H6PD: variants seen among roughly 807,000 people sequenced by gnomAD.
H6PD encodes hexose-6-phosphate dehydrogenase/glucose 1-dehydrogenase.
In H6PD, 48 loss-of-function variants were observed where a neutral mutation model predicts 61.2. That is an observed-to-expected ratio of 0.78 (90% CI 0.62 to 1.00). The LOEUF (loss-of-function observed/expected upper bound fraction) is 1.00. Among genes scored for constraint, H6PD ranks in the 50% least tolerant of loss-of-function variants. The probability of loss-of-function intolerance (pLI) is 0.00; values close to 1 mark genes in which losing one functional copy is unlikely to be tolerated. For synonymous variants in H6PD, 480 were observed against 457.9 expected (o/e 1.05, Z -0.62); for missense variants, 1,093 against 1,065.0 (o/e 1.03, Z -0.37).
Position 9,267,285 on chromosome 1 carries a change from G to T in H6PD, c.*2416G>T, listed in dbSNP as rs45491397. The T allele has an allele frequency of 0.099, 15,094 of 152,338 alleles. 1,006 individuals are homozygous for T. Among genetic ancestry groups the T allele is most frequent in the South Asian group, 0.2 (949 of 4,820 alleles). The allele number at this position is 152,338 out of a possible 1,614,324, so 9.4% of individuals were successfully genotyped here. On this transcript the variant is annotated 3_prime_UTR_variant, in exon 5 of 5. Coordinates refer to ENST00000377403, the MANE Select transcript of H6PD (RefSeq NM_004285.4). The stretch of plus-strand genomic sequence containing the variant: ...TGGTGGAAGTTCCACAGCTGGCCGC[G>T]TGGGGGGGCCCTTGCACCGCACTGC...
In H6PD at chr1:9,262,135, C is replaced by T. The variant is rs145706807; in HGVS notation, c.822C>T (p.Leu274=). Reference sequence around the variant, plus strand: ...ACCATCTGACGGAGGTCCTCACCCTCGTGGCCATGGAGCTGCCCCACAATG... The same window carrying T: ...ACCATCTGACGGAGGTCCTCACCCTTGTGGCCATGGAGCTGCCCCACAATG... ...LQNHLTEVLT[L]VAMELPHNVS... is the part of the protein sequence containing the mutation. Residue 274 remains leucine, a synonymous_variant, in exon 4 of 5, where the codon CTC becomes CTT. Coordinates refer to ENST00000377403, the MANE Select transcript of H6PD (RefSeq NM_004285.4). 1.0e-4 allele frequency: 169 copies of T among 1,614,208 alleles called. 1 individual carries two copies. In the African/African-American group the frequency reaches 1.5e-3, roughly 14 times the overall value.
At chr1:9,240,631 T>TA (rs950623968) in intron 1 of H6PD, among the ~76,000 whole-genome samples, 22 of 152,212 alleles carry the variant, frequency 1.4e-4, no homozygotes, top group Non-Finnish European at 1.5e-5. Flanking sequence ...CCCCTCCCCT[T>TA]ACAGCTGCTC....
intron 1 of H6PD, chr1:9,242,514 G>A (rs1482854716): frequency 1.7e-5 from 16 of 955,092 alleles, no homozygotes; most frequent in Non-Finnish European, 1.9e-5. Flanking sequence ...CCTCAGAACC[G>A]GGGACCCACA....
At chr1:9,236,547 C>A (rs1368600858) in intron 1 of H6PD, among the ~76,000 whole-genome samples, 1 of 152,060 alleles carries the variant, frequency 6.6e-6, no homozygotes, top group Non-Finnish European at 1.5e-5. Context: ...GTAATCCCAG[C>A]TGCTGGGGAG....
intron 1 of H6PD, chr1:9,240,148 C>A: frequency 2.3e-6 from 1 of 442,336 alleles, no homozygotes; most frequent in East Asian, 3.5e-5. Context: ...AGAAGAAGGC[C>A]TTTTCCACCT....
intron 3 of H6PD, among the ~76,000 whole-genome samples, chr1:9,253,660 C>G (rs964715778): frequency 4.6e-5 from 7 of 152,200 alleles, no homozygotes; most frequent in Admixed American, 2.0e-4. Flanking sequence ...TGCGTTGTCT[C>G]CCCAGGCCCT....
intron 2 of H6PD, 95 bp from the exon 3 acceptor site, chr1:9,246,871 A>C (rs528422183): frequency 1.5e-5 from 13 of 845,188 alleles, no homozygotes; most frequent in East Asian, 4.9e-5. Context: ...TGCTCTGAGC[A>C]GGGAATAGAA....
chr1:9,253,244 A>G (rs988322807), intron 3 of H6PD, among the ~76,000 whole-genome samples: 25 of 152,298 alleles, frequency 1.6e-4, no homozygotes, highest in Middle Eastern at 3.4e-3. Flanking sequence ...GCTTGAAATT[A>G]AGGAATAAAG....
At chr1:9,263,186 C>A (rs1467178482) in intron 4 of H6PD, among the ~76,000 whole-genome samples, 2 of 152,170 alleles carry the variant, frequency 1.3e-5, no homozygotes, top group African/African-American at 4.8e-5. Flanking sequence ...ACCCCACTTG[C>A]CCCCACTGTG....
At chr1:9,261,826 G>T (rs1253281183) in intron 3 of H6PD, among the ~76,000 whole-genome samples, 1 of 152,226 alleles carries the variant, frequency 6.6e-6, no homozygotes, top group Admixed American at 6.5e-5. Context: ...GAGGCTCACG[G>T]ATTTGACGCC....
rs190779040 is a variant in H6PD at position 9,262,551 on chromosome 1, A to G, written c.1015+223A>G. On this transcript the variant is annotated intron_variant, in intron 4 of 4. Coordinates refer to ENST00000377403, the MANE Select transcript of H6PD (RefSeq NM_004285.4). ...CAGGGCGAAGGACATCCCAATGGCC[A>G]TGGCCTCGTGTCAGCCCCAGTTCAG... 3.2e-3 allele frequency among the ~76,000 whole-genome samples: 494 copies of G among 152,340 alleles called. 2 individuals carry two copies. The highest frequency in any genetic ancestry group is 0.011 in the African/African-American group (477 of 41,572).
chr1:9,251,761 C>T (rs1236492269), intron 3 of H6PD, among the ~76,000 whole-genome samples: 1 of 152,180 alleles, frequency 6.6e-6, no homozygotes, highest in African/African-American at 2.4e-5. Context: ...GCTGCCGGAT[C>T]TCCTGTCCAG....
chr1:9,247,436 G>A (rs544470249), intron 3 of H6PD, among the ~76,000 whole-genome samples: 91 of 152,288 alleles, frequency 6.0e-4, no homozygotes, highest in African/African-American at 2.1e-3. Flanking sequence ...GCTTGCAGCC[G>A]TGGCGCCCCC....
chr1:9,264,354 G>A lies in H6PD; in HGVS notation c.1861G>A (p.Glu621Lys), dbSNP rs779224543. 129 of 1,612,316 alleles carry A rather than the reference G, an allele frequency of 8.0e-5. No homozygotes were observed. Among genetic ancestry groups the A allele is most frequent in the Non-Finnish European group, 6.4e-5 (75 of 1,179,924 alleles). Residue 621 changes from glutamate to lysine, a missense_variant, in exon 5 of 5, where the codon GAG becomes AAG. Coordinates refer to ENST00000377403, the MANE Select transcript of H6PD (RefSeq NM_004285.4). ...WAHTHLWLVD[E>K]RCVPLSDPES... Reference sequence around the variant, plus strand: ...CCACACGCACCTGTGGCTGGTTGACGAGCGCTGCGTCCCACTCTCAGACCC... The same window carrying A: ...CCACACGCACCTGTGGCTGGTTGACAAGCGCTGCGTCCCACTCTCAGACCC...
In H6PD at chr1:9,264,436, A is replaced by G. The variant is rs201358474; in HGVS notation, c.1943A>G (p.Tyr648Cys). The change falls in exon 5 of 5, where the codon TAC becomes TGC. Residue 648 changes from tyrosine (Y) to cysteine (C), a missense_variant. Physicochemically the swap from Tyr to Cys is radical, Grantham distance 194. Transcript: ENST00000377403. Reference sequence around the variant, plus strand: ...CTGCTGCAGCACGTCCGGATCCCCTACTACAACATCCACCCCATGCCTGTG... The same window carrying G: ...CTGCTGCAGCACGTCCGGATCCCCTGCTACAACATCCACCCCATGCCTGTG... Reference protein sequence around the residue: ...AHLLQHVRIPYYNIHPMPVHL... With the variant: ...AHLLQHVRIPCYNIHPMPVHL... 3.1e-6 allele frequency: 5 copies of G among 1,613,038 alleles called. No individual in the cohort carries two copies. The highest frequency in any genetic ancestry group is 4.2e-6 in the Non-Finnish European group (5 of 1,179,942).
intron 3 of H6PD, among the ~76,000 whole-genome samples, chr1:9,260,229 T>TA (rs1257559553): frequency 1.3e-5 from 2 of 149,354 alleles, no homozygotes; most frequent in African/African-American, 2.6e-5. Flanking sequence ...TTGCTGTTGT[T>TA]ACGCCAGTGT....
In H6PD at chr1:9,244,993, A is replaced by C. The variant is rs1423782229; in HGVS notation, c.59A>C (p.Gln20Pro). 2 of 1,613,972 alleles carry C rather than the reference A, an allele frequency of 1.2e-6. No individual in the cohort carries two copies. The highest frequency in any genetic ancestry group is 3.3e-5 in the Admixed American group (2 of 59,998). Residue 20 changes from glutamine to proline, a missense_variant, in exon 2 of 5, where the codon CAG (glutamine) becomes CCG (proline). Coordinates refer to ENST00000377403, the MANE Select transcript of H6PD (RefSeq NM_004285.4). ...GCCCTTCTGGGCTGCCTGCAAGCCCAGGAGCTCCAGGGACATGTCTCCATA... is the reference window on the plus strand; with the variant it reads ...GCCCTTCTGGGCTGCCTGCAAGCCCCGGAGCTCCAGGGACATGTCTCCATA... ...CLALLGCLQA[Q>P]ELQGHVSIIL...
chr1:9,255,873 G>A (rs1242401411), intron 3 of H6PD, among the ~76,000 whole-genome samples: 1 of 152,144 alleles, frequency 6.6e-6, no homozygotes, highest in Non-Finnish European at 1.5e-5. Context: ...CTTCTTCATT[G>A]TGCTCTGTTT....
chr1:9,247,060 T>C lies in H6PD; in HGVS notation c.722T>C (p.Met241Thr). 6.2e-7 allele frequency: 1 copy of C among 1,612,756 alleles called. No individual in the cohort carries two copies. The highest frequency in any genetic ancestry group is 8.5e-7 in the Non-Finnish European group (1 of 1,178,746). Reference protein sequence around the residue: ...RHHVERVEIIMKETVDAEGRT... With the variant: ...RHHVERVEIITKETVDAEGRT... ...CATGTGGAGCGGGTGGAGATCATCA[T>C]GAAAGAGACCGTGGATGCTGAAGGT... The change falls in exon 3 of 5, where the codon ATG becomes ACG. Residue 241 changes from methionine to threonine, a missense_variant. Transcript: ENST00000377403.
Sources: gnomAD v4.1 joint callset for allele counts (sites outside exome capture counted in the v4.1 genomes callset) on GRCh38, gnomAD v4.1.1 for gene constraint, MANE v1.5 for transcripts, NCBI Gene and HGNC (gene_info 2026-07-23, HGNC 2026-07-21) for gene names.